Variants in PRKN observed in about 807,000 individuals in gnomAD.
PRKN encodes parkin RBR E3 ubiquitin protein ligase.
A neutral mutation model predicts 59.5 loss-of-function variants in PRKN; 56 were observed. That is an observed-to-expected ratio of 0.94 (90% confidence interval 0.76 to 1.18). The LOEUF is 1.18. Ranked by LOEUF, PRKN falls within the 50% of genes most tolerant of loss-of-function variation. PRKN has a pLI of 0.00. For missense variants in PRKN, 657 were observed against 596.4 expected (o/e 1.10, Z -1.06); for synonymous variants, 250 against 222.1 (o/e 1.13, Z -1.12).
chr6:162,162,404 G>A (rs1308602345), intron 4 of PRKN, among the ~76,000 whole-genome samples: 1 of 152,106 alleles, frequency 6.6e-6, no homozygotes, highest in Non-Finnish European at 1.5e-5. Context: ...TATCGGTGAG[G>A]AGTCCTGGAA....
At chr6:162,520,782 G>T (rs973108103) in intron 1 of PRKN, among the ~76,000 whole-genome samples, 1 of 150,992 alleles carries the variant, frequency 6.6e-6, no homozygotes, top group Admixed American at 6.6e-5. Flanking sequence ...GAAAGAAAAT[G>T]TCTAAGGCCC....
Position 162,636,149 on chromosome 6 carries a change from T to C in PRKN, c.7+91513A>G, listed in dbSNP as rs764282722. 3.1e-5 allele frequency among the ~76,000 whole-genome samples: 3 copies of C among 97,170 alleles called. No homozygotes were observed. The South Asian group carries it at 7.4e-4, about 24-fold the overall frequency. 63.7% of individuals were successfully genotyped at this position (97,170 alleles called of 152,430 possible). A position where few individuals can be genotyped will look rare whatever the true frequency, so the allele number is the denominator to read the frequency against. On this transcript the variant is annotated intron_variant, in intron 1 of 11. Transcript: ENST00000366898. Reference sequence around the variant, plus strand: ...GCTATATATTACTTACATAGTAATATAATTTGCCCACAAAAAAGTTAATGT... The same window carrying C: ...GCTATATATTACTTACATAGTAATACAATTTGCCCACAAAAAAGTTAATGT...
chr6:161,997,358 C>T (rs1454094362), intron 5 of PRKN, among the ~76,000 whole-genome samples: 2 of 152,092 alleles, frequency 1.3e-5, no homozygotes, highest in Non-Finnish European at 2.9e-5. Flanking sequence ...GGTTCTGTTG[C>T]TAATTCCTCT....
At position 161,376,206 on chromosome 6, in the gene PRKN, G is replaced by T. The variant is rs1399163191; in HGVS notation, c.1167+10588C>A. Among the ~76,000 whole-genome samples, 2 of 152,122 alleles carry T rather than the reference G, an allele frequency of 1.3e-5. No homozygotes were observed. Among genetic ancestry groups the T allele is most frequent in the African/African-American group, 2.4e-5 (1 of 41,414 alleles). ...CTGGACTGTAACTCTGAAGGGGTGGGTGTGGGTGTGGGGAGCATGGATAAG... is the reference window on the plus strand; with the variant it reads ...CTGGACTGTAACTCTGAAGGGGTGGTTGTGGGTGTGGGGAGCATGGATAAG... On this transcript the variant is annotated intron_variant, in intron 10 of 11. Coordinates refer to ENST00000366898, the MANE Select transcript of PRKN (RefSeq NM_004562.3). This position sits in a 1 kb window ranked among gnomAD's most constrained non-coding sequence, Gnocchi z 7.3.
At chr6:161,624,942 A>C (rs781030025) in intron 7 of PRKN, among the ~76,000 whole-genome samples, 2 of 152,250 alleles carry the variant, frequency 1.3e-5, no homozygotes, top group African/African-American at 2.4e-5. Context: ...AAATATTTGG[A>C]AAATAAGACA....
intron 1 of PRKN, among the ~76,000 whole-genome samples, chr6:162,650,927 C>T (rs1778404580): frequency 6.6e-6 from 1 of 152,084 alleles, no homozygotes; most frequent in South Asian, 2.1e-4. Context: ...CCAAATGCCC[C>T]AAAATTGTAT....
At chr6:162,233,283 T>G (rs1188728537) in intron 3 of PRKN, among the ~76,000 whole-genome samples, 1 of 152,188 alleles carries the variant, frequency 6.6e-6, no homozygotes, top group Non-Finnish European at 1.5e-5. Flanking sequence ...TAGACATTTT[T>G]AAAGCAAAGC....
chr6:162,205,103 T>C (rs2128332172), intron 3 of PRKN, among the ~76,000 whole-genome samples: 1 of 152,148 alleles, frequency 6.6e-6, no homozygotes, highest in Non-Finnish European at 1.5e-5. Flanking sequence ...CCTCATGATC[T>C]GCCCACCTCA....
Position 161,530,932 on chromosome 6 carries a change from A to G in PRKN, c.1083+17922T>C, listed in dbSNP as rs73593405. Among the ~76,000 whole-genome samples, 2,714 of 152,278 alleles carry G rather than the reference A, an allele frequency of 0.018. 75 individuals are homozygous for G. The highest frequency in any genetic ancestry group is 0.062 in the African/African-American group (2,593 of 41,540). ...TCTAATGATAATTCAAATCTTTACC[A>G]AAATCCTAACACATCAAATTTCAGT... On this transcript the variant is annotated intron_variant, in intron 9 of 11. Coordinates refer to ENST00000366898, the MANE Select transcript of PRKN (RefSeq NM_004562.3). The surrounding 1 kb of genome is among the most constrained non-coding windows in gnomAD (Gnocchi z 5.0).
At chr6:161,422,930 G>A (rs187777462) in intron 9 of PRKN, among the ~76,000 whole-genome samples, 16 of 152,246 alleles carry the variant, frequency 1.1e-4, no homozygotes, top group Non-Finnish European at 1.2e-4. Context: ...GGCTGACATC[G>A]ACTGCCACAT....
chr6:162,509,572 C>T (rs889083150), intron 1 of PRKN, among the ~76,000 whole-genome samples: 3 of 152,090 alleles, frequency 2.0e-5, no homozygotes, highest in Non-Finnish European at 4.4e-5. Flanking sequence ...TATACACATC[C>T]ATGCATCTCA....
intron 4 of PRKN, among the ~76,000 whole-genome samples, chr6:162,154,152 C>G (rs1043369329): frequency 6.6e-6 from 1 of 152,084 alleles, no homozygotes; most frequent in African/African-American, 2.4e-5. Context: ...TAGCCTCTCT[C>G]CCACCACACT....
intron 4 of PRKN, among the ~76,000 whole-genome samples, chr6:162,117,319 C>T (rs7756400): frequency 0.25 from 38,455 of 152,138 alleles, 4,934 homozygotes; most frequent in African/African-American, 0.28. Context: ...CCCAAGCAGT[C>T]TGACATATGC....
intron 9 of PRKN, among the ~76,000 whole-genome samples, chr6:161,411,908 C>T (rs111162628): frequency 6.7e-6 from 1 of 149,112 alleles, no homozygotes; most frequent in Non-Finnish European, 1.5e-5. Flanking sequence ...CCTCCACTCA[C>T]TCATTCCTCC....
At chr6:162,520,957 A>G (rs1026416124) in intron 1 of PRKN, among the ~76,000 whole-genome samples, 1 of 152,222 alleles carries the variant, frequency 6.6e-6, no homozygotes, top group Non-Finnish European at 1.5e-5. Context: ...CTAGAAAACT[A>G]CTATTTGCAG....
chr6:161,987,842 C>T (rs1389018739), intron 5 of PRKN, among the ~76,000 whole-genome samples: 1 of 152,156 alleles, frequency 6.6e-6, no homozygotes, highest in Non-Finnish European at 1.5e-5. Context: ...TATCTCTCCT[C>T]TATTTTTTGA....
chr6:161,702,026 C>T (rs1006142104), intron 7 of PRKN, among the ~76,000 whole-genome samples: 6 of 152,112 alleles, frequency 3.9e-5, no homozygotes, highest in Non-Finnish European at 2.9e-5. Context: ...TGATTTATTG[C>T]AACAGTTAAT....
chr6:161,916,017 GCTATGAATTTA>G (rs1778543658), intron 6 of PRKN, among the ~76,000 whole-genome samples: 1 of 151,908 alleles, frequency 6.6e-6, no homozygotes. Context: ...AAAGAAAATA[GCTATGAATTTA>G]CTGAAAAAAA....
At chr6:161,697,603 C>A (rs1022494807) in intron 7 of PRKN, among the ~76,000 whole-genome samples, 1 of 152,166 alleles carries the variant, frequency 6.6e-6, no homozygotes, top group African/African-American at 2.4e-5. Flanking sequence ...AAACAGTATT[C>A]TTTCTCTCCC....
Sources: allele counts gnomAD v4.1 joint callset (sites outside exome capture counted in the v4.1 genomes callset), GRCh38; gene constraint gnomAD v4.1.1; non-coding constraint Gnocchi (gnomAD v3.1); transcripts MANE v1.5; gene names NCBI Gene and HGNC (gene_info 2026-07-23, HGNC 2026-07-21).